NF1: variants seen among roughly 807,000 people sequenced by gnomAD.
NF1 encodes neurofibromin.
NF1 carries 122 observed loss-of-function variants against 325.7 expected under a neutral mutation model. The ratio of observed to expected loss-of-function variants is 0.37; its 90% CI spans 0.32 to 0.44. The LOEUF is 0.44. NF1 is among the 20% of genes least tolerant of loss of function. The pLI is 1.00. For synonymous variants in NF1, 1,091 were observed against 1,186.0 expected (o/e 0.92, Z 1.65); for missense variants, 2,140 against 3,415.4 (o/e 0.63, Z 9.31).
intron 36 of NF1, among the ~76,000 whole-genome samples, chr17:31,278,604 G>T (rs189971372): frequency 3.1e-5 from 4 of 127,148 alleles, no homozygotes; most frequent in Non-Finnish European, 4.9e-5. Flanking sequence ...TCATTCATTC[G>T]TTTATTTTTT....
At chr17:31,363,760 A>G in intron 57 of NF1, among the ~76,000 whole-genome samples, 1 of 129,478 alleles carries the variant, frequency 7.7e-6, no homozygotes, top group African/African-American at 3.0e-5. Flanking sequence ...CCCCCTTTGG[A>G]GACAGTGTCT....
chr17:31,245,842 C>T (rs1275107385), intron 29 of NF1, among the ~76,000 whole-genome samples: 2 of 152,160 alleles, frequency 1.3e-5, no homozygotes, highest in Non-Finnish European at 2.9e-5. Context: ...GTGATAAACT[C>T]ACCTTCAGCC....
intron 31 of NF1, among the ~76,000 whole-genome samples, chr17:31,257,382 G>A (rs530492847): frequency 6.4e-4 from 98 of 152,224 alleles, no homozygotes; most frequent in African/African-American, 2.2e-3. Flanking sequence ...AACATATATA[G>A]TATATATAAA....
At chr17:31,227,185 G>A (rs1331314568) in intron 18 of NF1, 33 bp from the exon 19 acceptor site, 1 of 1,608,330 alleles carries the variant, frequency 6.2e-7, no homozygotes, top group South Asian at 1.1e-5. Flanking sequence ...GGCTCTAAGT[G>A]CAGTAACTTG....
intron 5 of NF1, among the ~76,000 whole-genome samples, chr17:31,174,028 ATC>A (rs1276050295): frequency 6.6e-6 from 1 of 152,212 alleles, no homozygotes; most frequent in Admixed American, 6.5e-5. Flanking sequence ...AAAAAGACTC[ATC>A]TCTCTCTTAG....
intron 36 of NF1, chr17:31,297,413 G>A (rs1272202613): frequency 6.6e-6 from 1 of 152,146 alleles, no homozygotes; most frequent in Non-Finnish European, 1.5e-5. Context: ...AAAATTTGTG[G>A]CATCAAGCGT....
intron 7 of NF1, 40 bp from the exon 8 acceptor site, chr17:31,182,468 T>G: frequency 6.2e-7 from 1 of 1,601,264 alleles, no homozygotes. Context: ...AGGGATTTTG[T>G]TCCTATCTAA....
intron 12 of NF1, among the ~76,000 whole-genome samples, chr17:31,210,793 A>T (rs1352890516): frequency 1.3e-5 from 2 of 152,114 alleles, no homozygotes; most frequent in Non-Finnish European, 1.5e-5. Flanking sequence ...ACAATCTAAG[A>T]TAGTATTATT....
intron 1 of NF1, among the ~76,000 whole-genome samples, chr17:31,103,446 T>C (rs1912551255): frequency 6.6e-6 from 1 of 152,030 alleles, no homozygotes; most frequent in South Asian, 2.1e-4. Flanking sequence ...GGTTTTACCA[T>C]GTTGGCTAGG....
chr17:31,253,727 A>G (rs1043593128), intron 31 of NF1: 2 of 152,178 alleles, frequency 1.3e-5, no homozygotes, highest in Non-Finnish European at 2.9e-5. Context: ...AAATTATGAG[A>G]GTCGTAATTA....
At chr17:31,173,800 G>C (rs2065972820) in intron 5 of NF1, among the ~76,000 whole-genome samples, 1 of 152,184 alleles carries the variant, frequency 6.6e-6, no homozygotes, top group African/African-American at 2.4e-5. Flanking sequence ...TCAGTAGGAT[G>C]TCCAACAAGA....
At chr17:31,310,974 TCTCA>T (rs2074054322) in intron 36 of NF1, among the ~76,000 whole-genome samples, 1 of 145,284 alleles carries the variant, frequency 6.9e-6, no homozygotes, top group African/African-American at 2.6e-5. Context: ...GGAGACAGGG[TCTCA>T]CTCTGTCACC....
intron 5 of NF1, among the ~76,000 whole-genome samples, chr17:31,174,217 A>G (rs1187215491): frequency 1.3e-5 from 2 of 152,258 alleles, no homozygotes; most frequent in African/African-American, 4.8e-5. Flanking sequence ...AAAATACCCA[A>G]TATATTTATA....
chr17:31,323,369 G>A (rs550437160), intron 36 of NF1, among the ~76,000 whole-genome samples: 4 of 151,814 alleles, frequency 2.6e-5, no homozygotes, highest in Admixed American at 6.6e-5. Flanking sequence ...AGCTGTGACC[G>A]TGCCACTGCA....
chr17:31,142,637 G>A (rs1226152614), intron 1 of NF1, among the ~76,000 whole-genome samples: 2 of 152,128 alleles, frequency 1.3e-5, no homozygotes, highest in Non-Finnish European at 2.9e-5. Flanking sequence ...GGAGGCCAAG[G>A]TGGGCAGATC....
intron 9 of NF1, among the ~76,000 whole-genome samples, 163 bp from the exon 10 acceptor site, chr17:31,200,874 A>G (rs1233518766): frequency 2.0e-5 from 3 of 152,202 alleles, no homozygotes; most frequent in Non-Finnish European, 4.4e-5. Flanking sequence ...TATAGGAAGA[A>G]TTGTATCAGA....
At chr17:31,198,978 T>C (rs1368438093) in intron 8 of NF1, among the ~76,000 whole-genome samples, 1 of 152,160 alleles carries the variant, frequency 6.6e-6, no homozygotes, top group African/African-American at 2.4e-5. Context: ...TGTCTCTCTT[T>C]TATTTATTTA....
In NF1 at chr17:31,336,952, T is replaced by C. The variant is rs1311288329; in HGVS notation, c.6427+38T>C. ...AAAGGAATTTGTGTTTACCAGTTCC[T>C]TTCTCCATTTTACTTCACCTGATCA... On this transcript the variant is annotated intron_variant, in intron 42 of 57. Coordinates refer to ENST00000358273, the MANE Select transcript of NF1 (RefSeq NM_001042492.3). This position sits in a 1 kb window ranked among gnomAD's most constrained non-coding sequence, Gnocchi z 5.5. 5 of 1,590,480 alleles carry C rather than the reference T, an allele frequency of 3.1e-6. No homozygotes were observed. Among genetic ancestry groups the C allele is most frequent in the Non-Finnish European group, 4.3e-6 (5 of 1,169,818 alleles).
At chr17:31,126,477 G>A (rs1914899745) in intron 1 of NF1, among the ~76,000 whole-genome samples, 1 of 152,014 alleles carries the variant, frequency 6.6e-6, no homozygotes, top group Non-Finnish European at 1.5e-5. Context: ...ACAGGGTCTG[G>A]CTCTGTCACC....
Sources: gnomAD v4.1 joint callset for allele counts (sites outside exome capture counted in the v4.1 genomes callset) on GRCh38, gnomAD v4.1.1 for gene constraint, Gnocchi (gnomAD v3.1) non-coding constraint, MANE v1.5 for transcripts, NCBI Gene and HGNC (gene_info 2026-07-23, HGNC 2026-07-21) for gene names.